Variants in ANKFN1 observed in about 807,000 individuals in gnomAD.
ANKFN1 encodes ankyrin repeat and fibronectin type III domain containing 1, also known as ankyrin repeat and fibronectin type-III domain-containing protein 1.
In ANKFN1, 74 loss-of-function variants were observed where a neutral mutation model predicts 108.7. The ratio of observed to expected loss-of-function variants is 0.68; its 90% confidence interval spans 0.56 to 0.83. The LOEUF (loss-of-function observed/expected upper bound fraction) is 0.83. Among genes scored for constraint, ANKFN1 ranks in the 40% least tolerant of loss-of-function variants. ANKFN1 has a pLI of 0.00. For synonymous variants in ANKFN1, 547 were observed against 516.2 expected (o/e 1.06, Z -0.81); for missense variants, 1,505 against 1,382.3 (o/e 1.09, Z -1.41).
At chr17:56,198,315 A>G (rs910311931) in intron 1 of ANKFN1, among the ~76,000 whole-genome samples, 1 of 152,200 alleles carries the variant, frequency 6.6e-6, no homozygotes, top group Non-Finnish European at 1.5e-5. Flanking sequence ...TTTCAGGATG[A>G]AACTGTTCCA....
intron 4 of ANKFN1, among the ~76,000 whole-genome samples, chr17:56,094,753 T>C (rs1363952013): frequency 3.4e-5 from 5 of 149,184 alleles, no homozygotes; most frequent in Admixed American, 2.0e-4. Flanking sequence ...ATCTCCTGAC[T>C]TCGTGATCCA....
At chr17:56,389,919 C>A (rs2047379851) in intron 8 of ANKFN1, among the ~76,000 whole-genome samples, 4 of 152,184 alleles carry the variant, frequency 2.6e-5, no homozygotes. Context: ...GACCTTTGTA[C>A]ACGATGGTCC....
chr17:56,153,576 C>G, intron 1 of ANKFN1, 46 bp downstream of exon 1: 1 of 1,610,326 alleles, frequency 6.2e-7, no homozygotes. Flanking sequence ...TGTTTGGAGG[C>G]CATTGTTTTG....
chr17:56,375,269 A>C (rs2046915762), intron 8 of ANKFN1, among the ~76,000 whole-genome samples: 1 of 152,124 alleles, frequency 6.6e-6, no homozygotes, highest in Non-Finnish European at 1.5e-5. Flanking sequence ...TTTGGCCTGG[A>C]AGATATTGGG....
At chr17:56,075,995 T>C (rs963079712) in intron 4 of ANKFN1, among the ~76,000 whole-genome samples, 2 of 152,200 alleles carry the variant, frequency 1.3e-5, no homozygotes, top group African/African-American at 4.8e-5. Flanking sequence ...ACTAACCCTC[T>C]TGAACCATTA....
At chr17:56,502,049 G>T (rs1326100193) in intron 20 of ANKFN1, among the ~76,000 whole-genome samples, 1 of 152,152 alleles carries the variant, frequency 6.6e-6, no homozygotes, top group Non-Finnish European at 1.5e-5. Context: ...AAGAAGGAGG[G>T]AAGGTAGTAG....
At chr17:56,124,670 C>T (rs4427864) in intron 4 of ANKFN1, among the ~76,000 whole-genome samples, 85 of 152,112 alleles carry the variant, frequency 5.6e-4, no homozygotes, top group African/African-American at 2.0e-3. Context: ...CATTACTTTT[C>T]TTGGACTAGC....
At chr17:56,415,156 A>G (rs1204890236) in intron 8 of ANKFN1, among the ~76,000 whole-genome samples, 1 of 152,246 alleles carries the variant, frequency 6.6e-6, no homozygotes, top group East Asian at 1.9e-4. Flanking sequence ...GATCTGGAAC[A>G]TGACAAGGAT....
chr17:56,432,830 G>A (rs1450309420), intron 8 of ANKFN1, among the ~76,000 whole-genome samples: 1 of 152,046 alleles, frequency 6.6e-6, no homozygotes, highest in Non-Finnish European at 1.5e-5. Flanking sequence ...ATGTCAGGAT[G>A]TTACCTAAAT....
intron 4 of ANKFN1, among the ~76,000 whole-genome samples, chr17:56,080,598 C>T (rs984685279): frequency 1.3e-5 from 2 of 152,200 alleles, no homozygotes; most frequent in African/African-American, 4.8e-5. Context: ...TTAATCCTCC[C>T]TATACTCCTA....
chr17:56,342,592 G>A (rs1449609440), intron 4 of ANKFN1, among the ~76,000 whole-genome samples: 1 of 152,008 alleles, frequency 6.6e-6, no homozygotes, highest in African/African-American at 2.4e-5. Flanking sequence ...CAATTTCCAT[G>A]TAATTGTATG....
In ANKFN1 at chr17:56,059,205, A is replaced by G. The variant is rs191985296; in HGVS notation, c.288+12880A>G. Among the ~76,000 whole-genome samples the G allele has an allele frequency of 1.7e-3, 260 of 151,990 alleles. 1 individual carries two copies. Among genetic ancestry groups the G allele is most frequent in the Non-Finnish European group, 3.1e-3 (214 of 67,960 alleles). ...GATCAGTGATGTTGAGCTTTTTTTC[A>G]TATGTTTTTTGGCCATGTAAATGTC... On this transcript the variant is annotated intron_variant, in intron 4 of 12. Coordinates refer to the ANKFN1 transcript ENST00000635860.
intron 4 of ANKFN1, among the ~76,000 whole-genome samples, chr17:56,122,832 G>A (rs1292385464): frequency 6.6e-6 from 1 of 152,202 alleles, no homozygotes; most frequent in South Asian, 2.1e-4. Context: ...TTGTGGGTGT[G>A]TAGTTTGGAG....
At chr17:56,142,622 C>T (rs546210233) in intron 4 of ANKFN1, among the ~76,000 whole-genome samples, 29 of 152,302 alleles carry the variant, frequency 1.9e-4, no homozygotes, top group Non-Finnish European at 3.8e-4. Context: ...AGGCTCTCCA[C>T]GCTTCAGACT....
chr17:56,434,538 T>C (rs962334875), intron 8 of ANKFN1, among the ~76,000 whole-genome samples: 18 of 152,176 alleles, frequency 1.2e-4, no homozygotes, highest in African/African-American at 4.1e-4. Flanking sequence ...ATAAAGATTC[T>C]TGTTTGAAAG....
chr17:56,217,069 A>G (rs758542832), intron 2 of ANKFN1, among the ~76,000 whole-genome samples: 1 of 152,220 alleles, frequency 6.6e-6, no homozygotes, highest in Non-Finnish European at 1.5e-5. Context: ...CACCCACATC[A>G]GGACTTTAGG....
At chr17:56,279,347 A>G (rs2044012606) in intron 3 of ANKFN1, among the ~76,000 whole-genome samples, 1 of 152,208 alleles carries the variant, frequency 6.6e-6, no homozygotes, top group Non-Finnish European at 1.5e-5. Flanking sequence ...TGATGTCTAA[A>G]AGCAGTTTTC....
chr17:56,322,948 T>C (rs940549782), intron 3 of ANKFN1, among the ~76,000 whole-genome samples: 16 of 152,234 alleles, frequency 1.1e-4, no homozygotes, highest in Admixed American at 2.6e-4. Context: ...ATTTAATATC[T>C]GCATATAATA....
At chr17:56,376,469 G>A (rs879703408) in intron 8 of ANKFN1, among the ~76,000 whole-genome samples, 1 of 152,162 alleles carries the variant, frequency 6.6e-6, no homozygotes, top group South Asian at 2.1e-4. Flanking sequence ...TGCCAAGACT[G>A]AAATTCAGAG....
Sources: allele counts gnomAD v4.1 joint callset (sites outside exome capture counted in the v4.1 genomes callset), GRCh38; gene constraint gnomAD v4.1.1; transcripts MANE v1.5; gene names NCBI Gene and HGNC (gene_info 2026-07-23, HGNC 2026-07-21).